SATL1: variants seen among roughly 807,000 people sequenced by gnomAD.
SATL1 encodes spermidine/spermine N1-acetyl transferase like 1, also known as spermidine/spermine N(1)-acetyltransferase-like protein 1.
SATL1 carries 47 observed loss-of-function variants against 51.8 expected under a neutral mutation model. The observed-to-expected ratio is 0.91, with a 90% CI of 0.72 to 1.16. The LOEUF (loss-of-function observed/expected upper bound fraction) is 1.16, where lower values mean the gene tolerates loss of function less well. SATL1 is among the 50% of genes most tolerant of loss of function. SATL1 has a pLI of 0.00. For missense variants in SATL1, 520 were observed against 526.4 expected (o/e 0.99, Z 0.12); for synonymous variants, 176 against 182.4 (o/e 0.97, Z 0.28).
chrX:85,200,077 A>G (rs1927658641), intron 2 of SATL1, among the ~76,000 whole-genome samples: 1 of 111,833 alleles, frequency 8.9e-6, no homozygotes, highest in Non-Finnish European at 1.9e-5. Flanking sequence ...ATAAATATAT[A>G]CACCTACTAT....
chrX:85,111,003 A>G (rs1925246483), intron 2 of SATL1, among the ~76,000 whole-genome samples: 1 of 113,074 alleles, frequency 8.8e-6, no homozygotes, highest in Non-Finnish European at 1.9e-5. Context: ...TAGGTCACAC[A>G]GCTAAAAGTC....
intron 2 of SATL1, among the ~76,000 whole-genome samples, chrX:85,193,902 C>A (rs1046161356): frequency 1.8e-5 from 2 of 112,052 alleles, no homozygotes; most frequent in Non-Finnish European, 3.8e-5. Context: ...GCCACACTTT[C>A]TTTATACAAT....
chrX:85,150,929 C>G (rs918725099), intron 2 of SATL1, among the ~76,000 whole-genome samples: 3 of 110,399 alleles, frequency 2.7e-5, no homozygotes, highest in South Asian at 4.0e-4. Context: ...CCTCTCTCAC[C>G]GCTCCTATTC....
intron 2 of SATL1, among the ~76,000 whole-genome samples, chrX:85,119,483 C>T (rs1053485425): frequency 8.9e-6 from 1 of 111,851 alleles, no homozygotes; most frequent in African/African-American, 3.2e-5. Context: ...ATTTATTTAA[C>T]CAATCTCATA....
intron 2 of SATL1, among the ~76,000 whole-genome samples, chrX:85,120,962 CA>C (rs928928514): frequency 8.1e-5 from 9 of 110,552 alleles, no homozygotes; most frequent in Non-Finnish European, 1.5e-4. Flanking sequence ...AAGATGCCGT[CA>C]AATATGGAAA....
At chrX:85,104,451 A>G (rs1924982902) in intron 3 of SATL1, among the ~76,000 whole-genome samples, 1 of 93,132 alleles carries the variant, frequency 1.1e-5, no homozygotes, top group South Asian at 6.4e-4. Context: ...TTTTAAGATC[A>G]TAATATTAAT....
Position 85,178,878 on chromosome X carries a change from A to T in SATL1, c.-313+45327T>A, listed in dbSNP as rs765281071. ...TGGTGATCATTTGTAACAAAATGCA[A>T]CACTTCTTGGTCATTTGTCCCACAT... is the stretch of plus-strand genomic sequence containing the variant. On this transcript the variant is annotated intron_variant, in intron 2 of 7. Transcript: ENST00000644105. 5.4e-5 allele frequency among the ~76,000 whole-genome samples: 6 copies of T among 111,779 alleles called. No homozygotes were observed. In the South Asian group the frequency reaches 2.2e-3, roughly 41 times the overall value.
chrX:85,102,234 T>A (rs1159793915), intron 4 of SATL1, among the ~76,000 whole-genome samples: 2 of 89,645 alleles, frequency 2.2e-5, no homozygotes, highest in Non-Finnish European at 4.4e-5. Context: ...CCTTCCCCCC[T>A]CCCCCCACCC....
intron 1 of SATL1, among the ~76,000 whole-genome samples, chrX:85,243,121 A>G (rs889036661): frequency 5.3e-5 from 6 of 112,508 alleles, no homozygotes; most frequent in African/African-American, 1.9e-4. Flanking sequence ...GAATGTATCT[A>G]GAATCTAGAA....
At chrX:85,144,239 T>A (rs1303449208) in intron 2 of SATL1, among the ~76,000 whole-genome samples, 1 of 112,081 alleles carries the variant, frequency 8.9e-6, no homozygotes, top group Non-Finnish European at 1.9e-5. Flanking sequence ...CTGTACTATG[T>A]TTTTACCTAA....
chrX:85,097,109 T>A (rs1438982704), intron 4 of SATL1, among the ~76,000 whole-genome samples: 1 of 111,334 alleles, frequency 9.0e-6, no homozygotes, highest in Non-Finnish European at 1.9e-5. Context: ...ACACGTGGAT[T>A]TTTTTCAAAC....
intron 2 of SATL1, among the ~76,000 whole-genome samples, chrX:85,163,749 T>C (rs1298080536): frequency 8.9e-6 from 1 of 111,923 alleles, no homozygotes; most frequent in Non-Finnish European, 1.9e-5. Flanking sequence ...TTGGGTAGAA[T>C]GTTCTGTAAA....
chrX:85,108,601 C>A lies in SATL1; in HGVS notation c.368G>T (p.Arg123Leu), dbSNP rs7063822. 1.2e-4 allele frequency: 140 copies of A among 1,202,177 alleles called. No individual in the cohort carries two copies. The African/African-American group carries it at 2.2e-3, about 19-fold the overall frequency. The change falls in exon 3 of 8, where the codon CGC (arginine) becomes CTC (leucine). Residue 123 changes from arginine to leucine, a missense_variant. This residue lies in a region of SATL1 where 488 missense variants were observed against 474.3 expected (regional missense o/e 1.03). Coordinates refer to ENST00000644105, the MANE Select transcript of SATL1 (RefSeq NM_001367857.2). ...TTGGTTCGTGCCTATTTGCCTCATG[C>A]GTGATTGGCTGGGGCCTGATTGGCT... ...GPSQSGPSQS[R>L]MRQIGTNQSG...
chrX:85,107,786 T>C lies in SATL1; in HGVS notation c.1183A>G (p.Ser395Gly). 1 of 1,210,727 alleles carries C rather than the reference T, an allele frequency of 8.3e-7. No individual in the cohort carries two copies. Reference sequence around the variant, plus strand: ...TGGCTGGTGCCTACTTGTCTCATGCTTGGTTGGCTCCCACCTGACTGTCTC... The same window carrying C: ...TGGCTGGTGCCTACTTGTCTCATGCCTGGTTGGCTCCCACCTGACTGTCTC... ...DMRQSGGSQPSMRQVGTSQSG... is the reference protein window; with the variant it reads ...DMRQSGGSQPGMRQVGTSQSG... The change falls in exon 3 of 8, where the codon AGC becomes GGC. Residue 395 changes from serine to glycine, a missense_variant. Around this residue, in one of 3 missense-constraint regions of SATL1, gnomAD observed 488 missense variants for 474.3 expected, o/e 1.03. Transcript: ENST00000644105.
intron 3 of SATL1, among the ~76,000 whole-genome samples, chrX:85,104,689 T>G (rs934274612): frequency 1.5e-4 from 17 of 111,045 alleles, no homozygotes; most frequent in African/African-American, 4.9e-4. Flanking sequence ...TCTGAGAGTG[T>G]TCAAGCCCCT....
At chrX:85,164,261 A>G (rs1004118604) in intron 2 of SATL1, among the ~76,000 whole-genome samples, 2 of 111,527 alleles carry the variant, frequency 1.8e-5, no homozygotes, top group African/African-American at 6.5e-5. Context: ...GATGTGAGGT[A>G]CTGTTCTATT....
intron 2 of SATL1, among the ~76,000 whole-genome samples, chrX:85,129,632 C>T (rs1056502664): frequency 1.4e-4 from 16 of 111,395 alleles, no homozygotes; most frequent in Non-Finnish European, 2.3e-4. Flanking sequence ...ATTGAATATC[C>T]TTTATTTCTT....
At chrX:85,135,718 T>C (rs1204221082) in intron 2 of SATL1, among the ~76,000 whole-genome samples, 2 of 107,293 alleles carry the variant, frequency 1.9e-5, no homozygotes, top group Middle Eastern at 4.6e-3. Flanking sequence ...GCTGAGACTA[T>C]AGGCACTCAC....
At chrX:85,116,864 G>C (rs1925393083) in intron 2 of SATL1, among the ~76,000 whole-genome samples, 1 of 111,159 alleles carries the variant, frequency 9.0e-6, no homozygotes, top group Non-Finnish European at 1.9e-5. Flanking sequence ...ACCCAAAACT[G>C]ATGATCAGCA....
Sources: allele counts gnomAD v4.1 joint callset (sites outside exome capture counted in the v4.1 genomes callset), GRCh38; gene constraint gnomAD v4.1.1; regional missense constraint gnomAD v4.1.1; transcripts MANE v1.5; gene names NCBI Gene and HGNC (gene_info 2026-07-23, HGNC 2026-07-21).